The following NTM variants were observed in gnomAD, a reference collection of about 807,000 sequenced individuals.
NTM encodes IgLON family member 2.
Under a neutral mutation model 42.1 loss-of-function variants are expected in NTM, and 13 were observed. The observed-to-expected ratio is 0.31, with a 90% CI of 0.20 to 0.49. The LOEUF is 0.49. NTM is among the 20% of genes least tolerant of loss of function. NTM has a pLI of 0.99. For missense variants in NTM, 373 were observed against 452.8 expected (o/e 0.82, Z 1.60); for synonymous variants, 187 against 179.2 (o/e 1.04, Z -0.35).
chr11:131,585,816 C>G (rs1045093369), intron 1 of NTM, among the ~76,000 whole-genome samples: 1 of 152,114 alleles, frequency 6.6e-6, no homozygotes, highest in Non-Finnish European at 1.5e-5. Flanking sequence ...TGTGTCCTTT[C>G]CTTTTTCCCA....
rs867768786 is a variant in NTM, at chr11:131,931,442, A to C, written c.167+19794A>C. Among the ~76,000 whole-genome samples, 7 of 148,176 alleles carry C rather than the reference A, an allele frequency of 4.7e-5. No individual in the cohort carries two copies. In the South Asian group the frequency reaches 1.6e-3, roughly 33 times the overall value. On this transcript the variant is annotated intron_variant, in intron 2 of 8. Coordinates refer to ENST00000683400, the MANE Select transcript of NTM (RefSeq NM_001352005.2). The stretch of plus-strand genomic sequence containing the variant: ...CTACAGAACAAGACAGTGCCTCAAA[A>C]AAAAAAATAATAATAATAATATATA...
chr11:131,908,104 G>T (rs1052595029), intron 1 of NTM, among the ~76,000 whole-genome samples: 10 of 152,208 alleles, frequency 6.6e-5, no homozygotes, highest in Admixed American at 5.2e-4. Context: ...CCTGAGCTTG[G>T]CTGGGTTTTC....
chr11:132,278,069 C>T (rs1052774059), intron 4 of NTM, among the ~76,000 whole-genome samples: 4 of 152,218 alleles, frequency 2.6e-5, no homozygotes, highest in Admixed American at 1.3e-4. Flanking sequence ...ACATCAACAT[C>T]GGCCTTCTGG....
intron 4 of NTM, among the ~76,000 whole-genome samples, chr11:132,252,512 A>C (rs553583569): frequency 6.6e-6 from 1 of 152,332 alleles, no homozygotes; most frequent in East Asian, 1.9e-4. Flanking sequence ...AGCCTGGAAC[A>C]ACAGTTTTCC....
intron 1 of NTM, among the ~76,000 whole-genome samples, chr11:131,471,977 A>G (rs558671092): frequency 1.3e-5 from 2 of 152,308 alleles, no homozygotes; most frequent in East Asian, 3.9e-4. Flanking sequence ...CTGGTGCATA[A>G]TGGCTGTGAA....
intron 2 of NTM, among the ~76,000 whole-genome samples, chr11:132,001,956 T>G (rs2069374348): frequency 1.3e-5 from 2 of 151,380 alleles, no homozygotes; most frequent in African/African-American, 4.9e-5. Flanking sequence ...GGCGAATGAG[T>G]GGATAAGGAG....
At chr11:131,911,163 A>T (rs1303403570) in intron 1 of NTM, 2 of 1,307,002 alleles carry the variant, frequency 1.5e-6, no homozygotes, top group Admixed American at 6.4e-5. Flanking sequence ...GGCTCCTGAG[A>T]CGCGCCCACA....
At chr11:131,446,099 C>T (rs1049609230) in intron 1 of NTM, among the ~76,000 whole-genome samples, 4 of 152,294 alleles carry the variant, frequency 2.6e-5, no homozygotes, top group South Asian at 2.1e-4. Flanking sequence ...AGACATCACA[C>T]GTCTTAAGTC....
intron 2 of NTM, among the ~76,000 whole-genome samples, chr11:131,942,237 ATCCCTGCAAACTAAC>A (rs2059873689): frequency 6.6e-6 from 1 of 152,150 alleles, no homozygotes; most frequent in Non-Finnish European, 1.5e-5. Flanking sequence ...CAACCCCTAA[ATCCCTGCAAACTAAC>A]ACAACACATA....
At chr11:131,426,734 G>A (rs1405034819) in intron 1 of NTM, among the ~76,000 whole-genome samples, 1 of 152,210 alleles carries the variant, frequency 6.6e-6, no homozygotes, top group Admixed American at 6.5e-5. Flanking sequence ...TAGTAGGCAA[G>A]TGGCAGGTTG....
intron 2 of NTM, among the ~76,000 whole-genome samples, chr11:132,104,752 T>C (rs889929396): frequency 6.7e-6 from 1 of 148,150 alleles, no homozygotes; most frequent in African/African-American, 2.5e-5. Flanking sequence ...AGAAAAAAAA[T>C]AAATTATCTG....
chr11:132,054,695 G>A (rs1299889632), intron 2 of NTM, among the ~76,000 whole-genome samples: 2 of 152,116 alleles, frequency 1.3e-5, no homozygotes, highest in East Asian at 3.9e-4. Flanking sequence ...AGAAAGGAGG[G>A]GCAGCAGGGG....
At chr11:132,163,597 A>C (rs1010272781) in intron 3 of NTM, among the ~76,000 whole-genome samples, 4 of 152,230 alleles carry the variant, frequency 2.6e-5, no homozygotes, top group Non-Finnish European at 5.9e-5. Flanking sequence ...TAAGTGGCAG[A>C]GCCAGAGTTT....
chr11:131,853,215 A>G (rs748511140), intron 1 of NTM, among the ~76,000 whole-genome samples: 4 of 152,040 alleles, frequency 2.6e-5, no homozygotes, highest in African/African-American at 9.7e-5. Context: ...TGAGCACCAT[A>G]AGCAGACTAT....
intron 1 of NTM, among the ~76,000 whole-genome samples, chr11:131,456,271 C>T (rs1412551976): frequency 2.0e-5 from 3 of 152,204 alleles, no homozygotes; most frequent in Admixed American, 1.3e-4. Context: ...TTCAATTACA[C>T]TAGGCAGTTC....
At chr11:131,998,755 T>C (rs2068614159) in intron 2 of NTM, among the ~76,000 whole-genome samples, 1 of 152,110 alleles carries the variant, frequency 6.6e-6, no homozygotes, top group African/African-American at 2.4e-5. Context: ...GTTGCCTTGG[T>C]ATATCTGTTA....
At chr11:131,495,819 C>A (rs144282578) in intron 1 of NTM, among the ~76,000 whole-genome samples, 50 of 152,320 alleles carry the variant, frequency 3.3e-4, no homozygotes, top group African/African-American at 1.2e-3. Flanking sequence ...TCCCAGCCAA[C>A]CCTAACTGAT....
intron 1 of NTM, among the ~76,000 whole-genome samples, chr11:131,612,786 C>T (rs1213158172): frequency 1.3e-5 from 2 of 152,194 alleles, no homozygotes; most frequent in East Asian, 1.9e-4. Flanking sequence ...TGCTGCAGGG[C>T]CCCACTAAGA....
intron 1 of NTM, among the ~76,000 whole-genome samples, chr11:131,506,385 G>A (rs1018642543): frequency 6.6e-6 from 1 of 152,162 alleles, no homozygotes; most frequent in Non-Finnish European, 1.5e-5. Flanking sequence ...CTGAAGGGTC[G>A]GGGTTATTTC....
Sources: allele counts gnomAD v4.1 joint callset (sites outside exome capture counted in the v4.1 genomes callset), GRCh38; gene constraint gnomAD v4.1.1; transcripts MANE v1.5; gene names NCBI Gene and HGNC (gene_info 2026-07-23, HGNC 2026-07-21).